The following TFIP11 variants were observed in gnomAD, a reference collection of about 807,000 sequenced individuals.
The protein encoded by TFIP11 is tuftelin-interacting protein 11.
Under a neutral mutation model 96.8 loss-of-function variants are expected in TFIP11, and 86 were observed. That is an observed-to-expected ratio of 0.89 (90% CI 0.75 to 1.06). TFIP11 has a LOEUF of 1.06. TFIP11 is among the 50% of genes least tolerant of loss of function. The pLI, the probability that TFIP11 is intolerant of heterozygous loss-of-function variation, is 0.00. For missense variants in TFIP11, 881 were observed against 1,076.7 expected (o/e 0.82, Z 2.54); for synonymous variants, 405 against 395.2 (o/e 1.02, Z -0.29).
Position 26,499,098 on chromosome 22 carries a change from A to G in TFIP11, c.1329+6T>C. 1 of 1,588,170 alleles carries G rather than the reference A, an allele frequency of 6.3e-7. No individual in the cohort carries two copies. Among genetic ancestry groups the G allele is most frequent in the Non-Finnish European group, 8.6e-7 (1 of 1,163,452 alleles). On this transcript the variant is annotated splice_donor_region_variant and intron_variant, in intron 9 of 14. Coordinates refer to ENST00000407690, the MANE Select transcript of TFIP11 (RefSeq NM_012143.4). ...CAGGGATAGGTTGATTTTCCCAGCA[A>G]CTCACTTTGAGGGGATCCCACTCCT...
chr22:26,503,493 ACT>A (rs1193619742), intron 7 of TFIP11, among the ~76,000 whole-genome samples, 171 bp downstream of exon 7: 10 of 151,974 alleles, frequency 6.6e-5, no homozygotes, highest in African/African-American at 2.4e-4. Flanking sequence ...CTGCTTGTTT[ACT>A]CTCTGTCCAC....
rs982995970 is a variant in TFIP11 at position 26,509,980 on chromosome 22, T to G, written c.209+84A>C. 2.8e-6 allele frequency: 4 copies of G among 1,434,424 alleles called. No individual in the cohort carries two copies. The Admixed American group carries it at 5.1e-5, about 18-fold the overall frequency. 88.9% of individuals were successfully genotyped at this position (1,434,424 alleles called of 1,614,324 possible). A position where few individuals can be genotyped will look rare whatever the true frequency, so the allele number is the denominator to read the frequency against. On this transcript the variant is annotated intron_variant, in intron 4 of 14. Coordinates refer to ENST00000407690, the MANE Select transcript of TFIP11 (RefSeq NM_012143.4). The stretch of plus-strand genomic sequence containing the variant: ...CAACAAGGCCAGGTGAGAAGTATAC[T>G]TATCAGGGTATCTCCTCCACTCCCT...
chr22:26,503,533 G>A (rs1242517655), intron 7 of TFIP11, 133 bp downstream of exon 7: 3 of 1,130,602 alleles, frequency 2.7e-6, no homozygotes, highest in African/African-American at 3.1e-5. Flanking sequence ...GGTGCACCTA[G>A]CCTTCAGCCC....
chr22:26,494,711 T>C, intron 13 of TFIP11, 86 bp downstream of exon 13: 1 of 1,556,174 alleles, frequency 6.4e-7, no homozygotes, highest in Non-Finnish European at 8.8e-7. Context: ...ATTATGGAAT[T>C]GTACCTACAG....
At chr22:26,504,552 T>C (rs915367110) in intron 6 of TFIP11, among the ~76,000 whole-genome samples, 3 of 151,666 alleles carry the variant, frequency 2.0e-5, no homozygotes, top group East Asian at 1.9e-4. Flanking sequence ...CACAGCAGAG[T>C]GTGCCTGTGG....
intron 12 of TFIP11, 97 bp from the exon 13 acceptor site, chr22:26,495,036 A>G: frequency 6.5e-7 from 1 of 1,531,656 alleles, no homozygotes; most frequent in Admixed American, 1.8e-5. Context: ...ATCTCAGCTT[A>G]CAGCAACCTC....
intron 6 of TFIP11, among the ~76,000 whole-genome samples, chr22:26,504,330 A>C (rs1923156127): frequency 2.0e-5 from 3 of 152,202 alleles, no homozygotes; most frequent in Non-Finnish European, 4.4e-5. Context: ...GAATAGGACC[A>C]CAACATTTCA....
intron 10 of TFIP11, 141 bp downstream of exon 10, chr22:26,498,728 G>A: frequency 1.5e-6 from 1 of 662,588 alleles, no homozygotes; most frequent in Non-Finnish European, 2.6e-6. Context: ...ATAGCCAAAT[G>A]AATTTAAATT....
At chr22:26,496,935 G>T in intron 10 of TFIP11, 46 bp from the exon 11 acceptor site, 1 of 1,598,310 alleles carries the variant, frequency 6.3e-7, no homozygotes, top group Non-Finnish European at 8.6e-7. Flanking sequence ...ACACTGACTG[G>T]TTTCAAAGTA....
chr22:26,510,322 G>A (rs777673376), intron 3 of TFIP11, 41 bp from the exon 4 acceptor site: 2 of 1,584,188 alleles, frequency 1.3e-6, no homozygotes, highest in East Asian at 2.2e-5. Context: ...GTAAGTCCTG[G>A]GGGCAGCAGT....
chr22:26,510,921 G>T (rs192695313), intron 2 of TFIP11, among the ~76,000 whole-genome samples: 1 of 152,108 alleles, frequency 6.6e-6, no homozygotes, highest in African/African-American at 2.4e-5. Context: ...CTTAAATTGG[G>T]ATTAACTACC....
At chr22:26,501,807 A>ATG in intron 8 of TFIP11, 93 bp downstream of exon 8, 14 of 538,650 alleles carry the variant, frequency 2.6e-5, no homozygotes, top group East Asian at 8.6e-5. Flanking sequence ...AAAAAAAAAA[A>ATG]GCCTAGCTAA....
chr22:26,492,517 G>A, intron 14 of TFIP11, 149 bp from the exon 15 acceptor site: 1 of 677,394 alleles, frequency 1.5e-6, no homozygotes, highest in South Asian at 1.8e-5. Flanking sequence ...TTTGGAGGAA[G>A]TTTAGACGAC....
intron 13 of TFIP11, 89 bp from the exon 14 acceptor site, chr22:26,494,393 G>T: frequency 1.4e-6 from 2 of 1,461,176 alleles, no homozygotes; most frequent in Non-Finnish European, 1.9e-6. Context: ...TTTGATCCTG[G>T]TCCTACAGGC....
chr22:26,496,853 A>T lies in TFIP11; in HGVS notation c.1473T>A (p.Asn491Lys). 6.2e-7 allele frequency: 1 copy of T among 1,614,158 alleles called. No individual in the cohort carries two copies. The highest frequency in any genetic ancestry group is 8.5e-7 in the Non-Finnish European group (1 of 1,180,040). The change falls in exon 11 of 15, where the codon AAT becomes AAA. Residue 491 changes from asparagine (N) to lysine (K), a missense_variant. Coordinates refer to ENST00000407690, the MANE Select transcript of TFIP11 (RefSeq NM_012143.4). ...IWEVWMPFVRNIVTQWQPRNC... is the reference protein window; with the variant it reads ...IWEVWMPFVRKIVTQWQPRNC... The stretch of plus-strand genomic sequence containing the variant: ...TCCTTGGCTGCCACTGGGTGACAAT[A>T]TTTCGAACAAAAGGCATCCAGACTT...
rs1277097266 is a variant in TFIP11 at position 26,491,665 on chromosome 22, C to T, written c.*348G>A. 1.2e-6 allele frequency: 2 copies of T among 1,609,660 alleles called. No individual in the cohort carries two copies. The highest frequency in any genetic ancestry group is 1.7e-6 in the Non-Finnish European group (2 of 1,179,926). On this transcript the variant is annotated 3_prime_UTR_variant, in exon 15 of 15. Coordinates refer to ENST00000407690, the MANE Select transcript of TFIP11 (RefSeq NM_012143.4). ...AACAAGAGAGAAGATCCTTCTGCTA[C>T]TGACTGAACTCGTTGTGAGGTACTC...
intron 13 of TFIP11, 166 bp downstream of exon 13, chr22:26,494,631 A>G (rs1351094911): frequency 1.0e-6 from 1 of 992,712 alleles, no homozygotes; most frequent in Non-Finnish European, 1.5e-6. Flanking sequence ...TACATGGCAA[A>G]TGTCCAATAA....
chr22:26,508,100 T>G (rs1354389885), intron 4 of TFIP11, among the ~76,000 whole-genome samples: 1 of 152,134 alleles, frequency 6.6e-6, no homozygotes. Flanking sequence ...ATAGAGACTG[T>G]GTTTCAAAGA....
At chr22:26,499,804 G>A (rs556626000) in intron 8 of TFIP11, among the ~76,000 whole-genome samples, 173 bp from the exon 9 acceptor site, 4 of 152,356 alleles carry the variant, frequency 2.6e-5, no homozygotes, top group Admixed American at 2.6e-4. Context: ...GCCTAAAGGA[G>A]ACTCCAGGGA....
Sources: allele counts gnomAD v4.1 joint callset (sites outside exome capture counted in the v4.1 genomes callset), GRCh38; gene constraint gnomAD v4.1.1; transcripts MANE v1.5; gene names NCBI Gene and HGNC (gene_info 2026-07-23, HGNC 2026-07-21).